The following BBS9 variants were observed in gnomAD, a reference collection of about 807,000 sequenced individuals.
BBS9 encodes the protein protein PTHB1.
In BBS9, 89 loss-of-function variants were observed where a neutral mutation model predicts 117.7. The ratio of observed to expected loss-of-function variants is 0.76; its 90% confidence interval spans 0.64 to 0.90. The LOEUF (loss-of-function observed/expected upper bound fraction) is 0.90. BBS9 is among the 40% of genes least tolerant of loss of function. The probability of loss-of-function intolerance (pLI) is 0.00; values close to 1 mark genes in which losing one functional copy is unlikely to be tolerated. For missense variants in BBS9, 982 were observed against 1,042.2 expected (o/e 0.94, Z 0.80); for synonymous variants, 379 against 370.9 (o/e 1.02, Z -0.25).
At chr7:33,556,823 C>CA (rs1855366306) in intron 21 of BBS9, among the ~76,000 whole-genome samples, 1 of 152,092 alleles carries the variant, frequency 6.6e-6, no homozygotes, top group South Asian at 2.1e-4. Flanking sequence ...ACCTAAGGTA[C>CA]AAAAGGGCAG....
intron 19 of BBS9, among the ~76,000 whole-genome samples, chr7:33,495,714 A>G (rs1361390826): frequency 6.6e-6 from 1 of 152,092 alleles, no homozygotes; most frequent in African/African-American, 2.4e-5. Context: ...AGCCAGGGGG[A>G]AAAAAAGGTA....
At chr7:33,612,784 T>TG (rs1201808444) in intron 21 of BBS9, among the ~76,000 whole-genome samples, 2 of 152,066 alleles carry the variant, frequency 1.3e-5, no homozygotes. Flanking sequence ...GTTCATTCTA[T>TG]TTTTAGACAG....
chr7:33,511,570 G>A lies in BBS9; in HGVS notation c.2298+5925G>A, dbSNP rs1398697519. Among the ~76,000 whole-genome samples the A allele has an allele frequency of 2.0e-5, 3 of 152,152 alleles. 1 individual carries two copies. The highest frequency in any genetic ancestry group is 4.4e-5 in the Non-Finnish European group (3 of 68,016). ...ATTTGAAGAAGGAAAGCTTTACTGT[G>A]TTCTTAAGGGTTTAATAGTTACCTT... On this transcript the variant is annotated intron_variant, in intron 20 of 22. Coordinates refer to ENST00000242067, the MANE Select transcript of BBS9 (RefSeq NM_198428.3).
chr7:33,493,416 AT>A (rs1430009511), intron 19 of BBS9, among the ~76,000 whole-genome samples: 36 of 152,304 alleles, frequency 2.4e-4, no homozygotes, highest in African/African-American at 7.5e-4. Context: ...CAAATCTGAA[AT>A]TCTTTTCAGT....
At chr7:33,536,269 C>T (rs576019246) in intron 21 of BBS9, among the ~76,000 whole-genome samples, 2 of 152,240 alleles carry the variant, frequency 1.3e-5, no homozygotes, top group Non-Finnish European at 2.9e-5. Flanking sequence ...GCCGACGACC[C>T]GCTTGCCACT....
At chr7:33,467,497 C>A (rs2128946733) in intron 19 of BBS9, among the ~76,000 whole-genome samples, 1 of 151,940 alleles carries the variant, frequency 6.6e-6, no homozygotes, top group South Asian at 2.1e-4. Flanking sequence ...GCACTTTGAC[C>A]TAATTGGCCT....
chr7:33,247,725 A>G (rs1339752713), intron 5 of BBS9, among the ~76,000 whole-genome samples: 1 of 152,204 alleles, frequency 6.6e-6, no homozygotes, highest in Admixed American at 6.5e-5. Context: ...TACTAGGTGT[A>G]CAATGAATGT....
At chr7:33,571,121 A>G (rs1416135509) in intron 21 of BBS9, among the ~76,000 whole-genome samples, 1 of 152,186 alleles carries the variant, frequency 6.6e-6, no homozygotes, top group Non-Finnish European at 1.5e-5. Flanking sequence ...GGTGAGGGGT[A>G]TATGGAAACT....
At chr7:33,167,813 G>T (rs1222346708) in intron 4 of BBS9, among the ~76,000 whole-genome samples, 1 of 152,100 alleles carries the variant, frequency 6.6e-6, no homozygotes, top group Non-Finnish European at 1.5e-5. Context: ...CCTCCTTAAA[G>T]ATACCATACT....
intron 21 of BBS9, among the ~76,000 whole-genome samples, chr7:33,612,459 A>G (rs777946295): frequency 3.6e-4 from 54 of 152,042 alleles, no homozygotes; most frequent in Non-Finnish European, 5.6e-4. Flanking sequence ...TTCTAAAACC[A>G]GTGCCATCTG....
intron 21 of BBS9, among the ~76,000 whole-genome samples, chr7:33,545,529 G>C (rs571974939): frequency 2.0e-5 from 3 of 152,144 alleles, no homozygotes; most frequent in African/African-American, 7.2e-5. Flanking sequence ...CACTTCTGCA[G>C]TTGGGGCACT....
intron 4 of BBS9, among the ~76,000 whole-genome samples, chr7:33,164,318 T>C (rs1327700078): frequency 6.6e-6 from 1 of 152,186 alleles, no homozygotes; most frequent in Non-Finnish European, 1.5e-5. Context: ...TTGATTTGGA[T>C]GGAGAGTTCT....
intron 21 of BBS9, among the ~76,000 whole-genome samples, chr7:33,562,748 AC>A (rs1192818953): frequency 2.0e-5 from 3 of 152,138 alleles, no homozygotes; most frequent in African/African-American, 7.2e-5. Context: ...ACATGGTGAA[AC>A]CCCGTCTCTA....
At chr7:33,501,536 A>G (rs1318231092) in intron 19 of BBS9, among the ~76,000 whole-genome samples, 1 of 152,206 alleles carries the variant, frequency 6.6e-6, no homozygotes, top group African/African-American at 2.4e-5. Flanking sequence ...GGCCTTGCTC[A>G]GGAAAGATCC....
intron 11 of BBS9, among the ~76,000 whole-genome samples, chr7:33,344,042 A>T (rs926926489): frequency 5.9e-5 from 9 of 151,698 alleles, no homozygotes; most frequent in African/African-American, 2.2e-4. Context: ...TGGTTTGATA[A>T]AATATGTGAC....
At chr7:33,360,524 CTT>C (rs5883399) in intron 16 of BBS9, among the ~76,000 whole-genome samples, 6 of 141,958 alleles carry the variant, frequency 4.2e-5, no homozygotes, top group Admixed American at 7.1e-5. Context: ...CAATAAATAC[CTT>C]TTTTTTTTTT....
At chr7:33,319,303 C>T (rs1460267802) in intron 9 of BBS9, among the ~76,000 whole-genome samples, 1 of 152,098 alleles carries the variant, frequency 6.6e-6, no homozygotes, top group African/African-American at 2.4e-5. Flanking sequence ...GATTGATGGG[C>T]ATTTGGGCTG....
chr7:33,296,302 A>T (rs1805265415), intron 9 of BBS9, among the ~76,000 whole-genome samples: 1 of 152,182 alleles, frequency 6.6e-6, no homozygotes, highest in African/African-American at 2.4e-5. Context: ...AAAATATCAC[A>T]TACCGTATGT....
chr7:33,252,397 C>T (rs1319661924), intron 5 of BBS9, among the ~76,000 whole-genome samples: 2 of 152,164 alleles, frequency 1.3e-5, no homozygotes, highest in East Asian at 3.8e-4. Context: ...CTTTTTCATC[C>T]TATCATGCTA....
Sources: gnomAD v4.1 joint callset for allele counts (sites outside exome capture counted in the v4.1 genomes callset) on GRCh38, gnomAD v4.1.1 for gene constraint, MANE v1.5 for transcripts, NCBI Gene and HGNC (gene_info 2026-07-23, HGNC 2026-07-21) for gene names.